The following RPN2 variants were observed in gnomAD, a reference collection of about 807,000 sequenced individuals.
RPN2 encodes the protein ribophorin II.
In RPN2, 29 loss-of-function variants were observed where a neutral mutation model predicts 71.4. That is an observed-to-expected ratio of 0.41 (90% CI 0.30 to 0.55). The LOEUF (loss-of-function observed/expected upper bound fraction) is 0.55, where lower values mean the gene tolerates loss of function less well. Ranked by LOEUF, RPN2 falls within the 20% of genes least tolerant of loss-of-function variation. The pLI, the probability that RPN2 is intolerant of heterozygous loss-of-function variation, is 0.35. For synonymous variants in RPN2, 308 were observed against 305.0 expected (o/e 1.01, Z -0.10); for missense variants, 726 against 774.1 (o/e 0.94, Z 0.74).
rs767890890 is a variant in RPN2, at chr20:37,236,691, C to T, written c.1865C>T (p.Ala622Val). 6.2e-7 allele frequency: 1 copy of T among 1,614,090 alleles called. No individual in the cohort carries two copies. The highest frequency in any genetic ancestry group is 8.5e-7 in the Non-Finnish European group (1 of 1,179,936). ...TTTCTGGCTGGCAATCGGATGCTGGCCCAGCAGGCAGTCAAGAGGTAAGGC... is the reference window on the plus strand; with the variant it reads ...TTTCTGGCTGGCAATCGGATGCTGGTCCAGCAGGCAGTCAAGAGGTAAGGC... ...VTFLAGNRML[A>V]QQAVKRTAH is the part of the protein sequence containing the mutation. Residue 622 changes from alanine to valine, a missense_variant, in exon 16 of 17, where the codon GCC (alanine) becomes GTC (valine). Ala to Val is a moderately conservative substitution (Grantham distance 64). Transcript: ENST00000237530.
intron 15 of RPN2, among the ~76,000 whole-genome samples, chr20:37,234,340 C>T (rs1010166768): frequency 6.6e-6 from 1 of 152,242 alleles, no homozygotes. Context: ...ACCATTTACC[C>T]TCAGTTAATA....
rs976652533 is a variant in RPN2, at chr20:37,181,652, C to T, written c.13+2283C>T. Among the ~76,000 whole-genome samples, 10 of 152,182 alleles carry T rather than the reference C, an allele frequency of 6.6e-5. No individual in the cohort carries two copies. The South Asian group carries it at 2.1e-3, about 32-fold the overall frequency. On this transcript the variant is annotated intron_variant, in intron 1 of 16. Coordinates refer to ENST00000237530, the MANE Select transcript of RPN2 (RefSeq NM_002951.5). ...CAGGTTTGTCTTGAACTCCCGACCT[C>T]AGGTGATCCCCCTGCCTTGGCCTCC... is the stretch of plus-strand genomic sequence containing the variant.
chr20:37,189,014 A>G (rs911670306), intron 2 of RPN2, among the ~76,000 whole-genome samples: 4 of 151,506 alleles, frequency 2.6e-5, no homozygotes, highest in African/African-American at 9.7e-5. Flanking sequence ...GCTCACTGCA[A>G]CCTCCGCCTC....
intron 9 of RPN2, among the ~76,000 whole-genome samples, chr20:37,217,252 C>G (rs1297708256): frequency 2.0e-5 from 3 of 150,458 alleles, no homozygotes; most frequent in Admixed American, 6.6e-5. Flanking sequence ...GGGCTGAGAA[C>G]TCCTATGGGT....
At chr20:37,210,309 G>T in intron 8 of RPN2, 144 bp downstream of exon 8, 2 of 1,475,770 alleles carry the variant, frequency 1.4e-6, no homozygotes, top group South Asian at 1.2e-5. Flanking sequence ...GTAAGAAAAT[G>T]ATTTTTAAAA....
At chr20:37,200,344 G>A in intron 4 of RPN2, 1 of 365,808 alleles carries the variant, frequency 2.7e-6, no homozygotes. Flanking sequence ...TGTTGTCCAG[G>A]CCGGTTGTAA....
chr20:37,211,159 C>T (rs924130979), intron 8 of RPN2, among the ~76,000 whole-genome samples: 8 of 151,742 alleles, frequency 5.3e-5, no homozygotes, highest in Non-Finnish European at 7.4e-5. Flanking sequence ...CTTAGCTTCC[C>T]GAGTAGCTGG....
At chr20:37,185,946 G>A (rs199575873) in intron 2 of RPN2, among the ~76,000 whole-genome samples, 23 of 152,230 alleles carry the variant, frequency 1.5e-4, no homozygotes, top group African/African-American at 5.3e-4. Flanking sequence ...TCATGTTGTC[G>A]TATTGTCAGC....
chr20:37,208,174 G>A (rs561336650), intron 7 of RPN2, among the ~76,000 whole-genome samples: 1 of 151,840 alleles, frequency 6.6e-6, no homozygotes, highest in African/African-American at 2.4e-5. Flanking sequence ...GGAGGCTGAG[G>A]CAGGAGAATC....
intron 1 of RPN2, among the ~76,000 whole-genome samples, chr20:37,181,606 A>G (rs893539670): frequency 1.3e-5 from 2 of 152,042 alleles, no homozygotes; most frequent in African/African-American, 4.8e-5. Flanking sequence ...TTTAGTAGAC[A>G]TGGGGTTTCA....
At chr20:37,197,363 ATGAC>A (rs1239292026) in intron 2 of RPN2, among the ~76,000 whole-genome samples, 1 of 152,280 alleles carries the variant, frequency 6.6e-6, no homozygotes, top group Middle Eastern at 3.4e-3. Flanking sequence ...CGCTTAGGAG[ATGAC>A]TGACTGGGAC....
At chr20:37,179,450 G>A (rs1440097065) in intron 1 of RPN2, 81 bp downstream of exon 1, 27 of 1,427,238 alleles carry the variant, frequency 1.9e-5, no homozygotes, top group Non-Finnish European at 2.5e-5. Flanking sequence ...CCGGCCAGGC[G>A]GGATCCCCTT....
Position 37,198,507 on chromosome 20 carries a change from C to G in RPN2, c.303+15C>G. 2 of 1,614,126 alleles carry G rather than the reference C, an allele frequency of 1.2e-6. No homozygotes were observed. Among genetic ancestry groups the G allele is most frequent in the Non-Finnish European group, 8.5e-7 (1 of 1,180,036 alleles). ...CAGGATGTGAGGTGAGTCCGGGTTC[C>G]TACGCTGACAATGACTTTAACTATT... On this transcript the variant is annotated intron_variant, in intron 3 of 16. Coordinates refer to ENST00000237530, the MANE Select transcript of RPN2 (RefSeq NM_002951.5).
intron 4 of RPN2, 110 bp from the exon 5 acceptor site, chr20:37,203,775 A>G: frequency 6.3e-6 from 5 of 791,952 alleles, no homozygotes; most frequent in Non-Finnish European, 4.4e-6. Context: ...ACCAACTTGT[A>G]CTTCTAAAGA....
At chr20:37,217,587 G>A (rs982989933) in intron 9 of RPN2, among the ~76,000 whole-genome samples, 1 of 151,988 alleles carries the variant, frequency 6.6e-6, no homozygotes, top group African/African-American at 2.4e-5. Flanking sequence ...CACCATGCCC[G>A]GCCTAAATCT....
At chr20:37,204,658 T>G in intron 5 of RPN2, 109 bp from the exon 6 acceptor site, 1 of 1,191,944 alleles carries the variant, frequency 8.4e-7, no homozygotes, top group Non-Finnish European at 1.3e-6. Context: ...GTCTTCAGAT[T>G]TAGAGTGAGA....
chr20:37,231,287 C>G (rs995121475), intron 13 of RPN2, among the ~76,000 whole-genome samples: 1 of 151,948 alleles, frequency 6.6e-6, no homozygotes, highest in Non-Finnish European at 1.5e-5. Flanking sequence ...TCCAGAATCC[C>G]ACACCATTGC....
chr20:37,206,001 G>A (rs2067502865), intron 6 of RPN2, among the ~76,000 whole-genome samples: 2 of 152,076 alleles, frequency 1.3e-5, no homozygotes, highest in African/African-American at 2.4e-5. Context: ...CCATTTTAAC[G>A]TGTCAACAGA....
rs971972758 is a variant in RPN2 at position 37,179,368 on chromosome 20, G to C, written c.12G>C (p.Pro4=). 150 of 324,498 alleles carry C rather than the reference G, an allele frequency of 4.6e-4. No individual in the cohort carries two copies. Among genetic ancestry groups the C allele is most frequent in the Non-Finnish European group, 6.0e-4 (143 of 240,262 alleles). 20.1% of individuals were successfully genotyped at this position (324,498 alleles called of 1,614,324 possible). MAP[P]GSSTVFLLAL... ...ACCTGCTCGGAGGAATGGCGCCGCC[G>C]GGTGAGGAGTTGCGCGTGGCTTTGG... is the stretch of plus-strand genomic sequence containing the variant. Residue 4 remains proline (P), a splice_region_variant and synonymous_variant, in exon 1 of 17, where the codon CCG becomes CCC. Coordinates refer to ENST00000237530, the MANE Select transcript of RPN2 (RefSeq NM_002951.5).
Sources: allele counts gnomAD v4.1 joint callset (sites outside exome capture counted in the v4.1 genomes callset), GRCh38; gene constraint gnomAD v4.1.1; transcripts MANE v1.5; gene names NCBI Gene and HGNC (gene_info 2026-07-23, HGNC 2026-07-21).